The following LUZP2 variants were observed in gnomAD, a reference collection of about 807,000 sequenced individuals.
LUZP2 encodes leucine zipper protein 2.
Under a neutral mutation model 51.6 loss-of-function variants are expected in LUZP2, and 52 were observed. The ratio of observed to expected loss-of-function variants is 1.01; its 90% CI spans 0.81 to 1.27. The LOEUF is 1.27. Among genes scored for constraint, LUZP2 ranks in the 50% most tolerant of loss-of-function variants. The pLI is 0.00. For missense variants in LUZP2, 436 were observed against 395.4 expected, an observed-to-expected ratio of 1.10 and a Z score of -0.87; for synonymous variants, 154 against 137.3, an observed-to-expected ratio of 1.12 and a Z score of -0.85.
intron 5 of LUZP2, among the ~76,000 whole-genome samples, chr11:24,783,857 C>A (rs1849164016): frequency 6.6e-6 from 1 of 151,914 alleles, no homozygotes; most frequent in South Asian, 2.1e-4. Context: ...TACTGAGTAA[C>A]CAAACAAATA....
chr11:24,985,632 G>C (rs886454070), intron 9 of LUZP2, among the ~76,000 whole-genome samples: 11 of 151,702 alleles, frequency 7.3e-5, no homozygotes, highest in Non-Finnish European at 1.0e-4. Context: ...GACTAAATGG[G>C]AAGCATGAAG....
At chr11:25,018,805 G>C (rs1319889401) in intron 9 of LUZP2, among the ~76,000 whole-genome samples, 1 of 151,742 alleles carries the variant, frequency 6.6e-6, no homozygotes, top group Non-Finnish European at 1.5e-5. Context: ...GTGGGGTTTT[G>C]CCATGTTGGC....
intron 1 of LUZP2, among the ~76,000 whole-genome samples, chr11:24,695,374 G>A (rs1264946593): frequency 6.6e-6 from 1 of 152,020 alleles, no homozygotes; most frequent in Non-Finnish European, 1.5e-5. Context: ...GAGATACAGT[G>A]TGATGTTTTG....
At chr11:24,880,444 AT>A (rs1381361429) in intron 5 of LUZP2, among the ~76,000 whole-genome samples, 2 of 152,258 alleles carry the variant, frequency 1.3e-5, no homozygotes, top group South Asian at 4.1e-4. Context: ...AAGAAAGTGA[AT>A]TTTTGTGTAG....
rs758684085 is a variant in LUZP2 at position 25,016,028 on chromosome 11, C to G, written c.765+32735C>G. On this transcript the variant is annotated intron_variant, in intron 9 of 11. Transcript: ENST00000336930. ...CTCCACCTCCCGGGTTCACGCCATTCTCCTGCCTCAGCCTCCTGAGTAGCT... is the reference window on the plus strand; with the variant it reads ...CTCCACCTCCCGGGTTCACGCCATTGTCCTGCCTCAGCCTCCTGAGTAGCT... Among the ~76,000 whole-genome samples the G allele has an allele frequency of 1.9e-3, 284 of 151,634 alleles. 1 individual carries two copies. Among genetic ancestry groups the G allele is most frequent in the Non-Finnish European group, 3.3e-3 (221 of 67,966 alleles).
rs540738875 is a variant in LUZP2 at position 24,908,618 on chromosome 11, C to T, written c.459+2565C>T. ...AATGTTGCTAACAAGTTAAATAAAA[C>T]GATCTAAGTGTTAGCTGGGTTTTGA... On this transcript the variant is annotated intron_variant, in intron 6 of 11. Coordinates refer to ENST00000336930, the MANE Select transcript of LUZP2 (RefSeq NM_001009909.4). Among the ~76,000 whole-genome samples the T allele has an allele frequency of 1.2e-4, 18 of 152,122 alleles. 1 individual carries two copies. The South Asian group carries it at 1.9e-3, about 16-fold the overall frequency.
At chr11:24,645,748 T>C (rs1447099343) in intron 1 of LUZP2, among the ~76,000 whole-genome samples, 1 of 147,026 alleles carries the variant, frequency 6.8e-6, no homozygotes, top group African/African-American at 2.7e-5. Flanking sequence ...TGGCTTGTTA[T>C]TATGGTATTA....
chr11:24,559,007 G>A (rs1162896741), intron 1 of LUZP2, among the ~76,000 whole-genome samples: 1 of 152,074 alleles, frequency 6.6e-6, no homozygotes, highest in Non-Finnish European at 1.5e-5. Flanking sequence ...AATTTTGGAA[G>A]GAACATGGTC....
chr11:24,946,334 G>A (rs1854898871), intron 7 of LUZP2, among the ~76,000 whole-genome samples: 1 of 151,720 alleles, frequency 6.6e-6, no homozygotes, highest in Non-Finnish European at 1.5e-5. Flanking sequence ...ATTCATATTT[G>A]ATGCAATTAT....
chr11:24,565,162 A>G (rs141610882), intron 1 of LUZP2, among the ~76,000 whole-genome samples: 31 of 152,322 alleles, frequency 2.0e-4, no homozygotes, highest in African/African-American at 6.5e-4. Context: ...CAGGCAGTTG[A>G]ACATGAGGAA....
intron 1 of LUZP2, among the ~76,000 whole-genome samples, chr11:24,654,395 C>T (rs573249028): frequency 2.0e-3 from 307 of 151,098 alleles, no homozygotes; most frequent in Middle Eastern, 3.4e-3. Flanking sequence ...ATTTTTTTTT[C>T]TTTTTTCTTT....
At chr11:24,529,655 T>A (rs374422340) in intron 1 of LUZP2, among the ~76,000 whole-genome samples, 3 of 151,138 alleles carry the variant, frequency 2.0e-5, no homozygotes, top group East Asian at 1.9e-4. Context: ...TTGTTTAAGG[T>A]CACTGGTGAC....
intron 1 of LUZP2, among the ~76,000 whole-genome samples, chr11:24,657,526 G>T (rs879912154): frequency 7.2e-5 from 11 of 152,164 alleles, no homozygotes; most frequent in Non-Finnish European, 1.3e-4. Flanking sequence ...ACAAGACAGG[G>T]ATGCCCTCTC....
chr11:24,538,629 A>G (rs966722098), intron 1 of LUZP2, among the ~76,000 whole-genome samples: 4 of 140,020 alleles, frequency 2.9e-5, no homozygotes, highest in African/African-American at 5.3e-5. Flanking sequence ...ACACATATAT[A>G]TGTGTATTTA....
chr11:24,705,001 A>G (rs544438541), intron 1 of LUZP2, among the ~76,000 whole-genome samples: 7 of 152,320 alleles, frequency 4.6e-5, no homozygotes, highest in Non-Finnish European at 1.0e-4. Context: ...GAACACACAC[A>G]CATACACACA....
At chr11:24,764,012 G>C (rs1424913792) in intron 5 of LUZP2, among the ~76,000 whole-genome samples, 4 of 152,108 alleles carry the variant, frequency 2.6e-5, no homozygotes, top group Non-Finnish European at 4.4e-5. Flanking sequence ...ACATACCAGA[G>C]TAATCAGAAT....
At chr11:24,801,720 G>A (rs1162360929) in intron 5 of LUZP2, among the ~76,000 whole-genome samples, 1 of 150,896 alleles carries the variant, frequency 6.6e-6, no homozygotes, top group African/African-American at 2.4e-5. Flanking sequence ...AGTCTAGTAG[G>A]GGATGTAGGC....
At chr11:25,011,829 T>C (rs1045054114) in intron 9 of LUZP2, among the ~76,000 whole-genome samples, 1 of 151,940 alleles carries the variant, frequency 6.6e-6, no homozygotes, top group Admixed American at 6.6e-5. Context: ...ATTATTTATA[T>C]CTGTTGGGAA....
intron 5 of LUZP2, among the ~76,000 whole-genome samples, chr11:24,768,244 C>G (rs1247955861): frequency 6.6e-6 from 1 of 152,114 alleles, no homozygotes; most frequent in Non-Finnish European, 1.5e-5. Flanking sequence ...AAGGATTCTC[C>G]TGCCTCAGCC....
Sources: gnomAD v4.1 joint callset for allele counts (sites outside exome capture counted in the v4.1 genomes callset) on GRCh38, gnomAD v4.1.1 for gene constraint, MANE v1.5 for transcripts, NCBI Gene and HGNC (gene_info 2026-07-23, HGNC 2026-07-21) for gene names.